PPP3CA: variants seen among roughly 807,000 people sequenced by gnomAD.
The protein encoded by PPP3CA is CAM-PRP catalytic subunit.
In PPP3CA, 14 loss-of-function variants were observed where a neutral mutation model predicts 66.5. The observed-to-expected ratio is 0.21, with a 90% CI of 0.14 to 0.33. The LOEUF (loss-of-function observed/expected upper bound fraction) is 0.33. PPP3CA is among the 10% of genes least tolerant of loss of function. The probability of loss-of-function intolerance (pLI) is 1.00; values close to 1 mark genes in which losing one functional copy is unlikely to be tolerated. For missense variants in PPP3CA, 317 were observed against 639.5 expected, an observed-to-expected ratio of 0.50 and a Z score of 5.44; for synonymous variants, 232 against 226.2, an observed-to-expected ratio of 1.03 and a Z score of -0.23.
intron 2 of PPP3CA, among the ~76,000 whole-genome samples, chr4:101,167,114 T>C (rs1723717816): frequency 6.6e-6 from 1 of 152,138 alleles, no homozygotes; most frequent in East Asian, 1.9e-4. Context: ...TAGAAGGAAG[T>C]GGTGAGACAA....
intron 1 of PPP3CA, among the ~76,000 whole-genome samples, chr4:101,272,345 A>G (rs1727361860): frequency 6.6e-6 from 1 of 152,360 alleles, no homozygotes; most frequent in South Asian, 2.1e-4. Context: ...AATTATAAGT[A>G]CGTGGCAGTC....
chr4:101,156,060 C>CACA (rs1723309595), intron 2 of PPP3CA, among the ~76,000 whole-genome samples: 1 of 152,148 alleles, frequency 6.6e-6, no homozygotes, highest in Non-Finnish European at 1.5e-5. Flanking sequence ...AGTGGGGTTT[C>CACA]ACACCCAGAC....
intron 2 of PPP3CA, among the ~76,000 whole-genome samples, chr4:101,124,701 GAAAGAAAGAA>G (rs1722150922): frequency 1.1e-5 from 1 of 94,368 alleles, no homozygotes; most frequent in African/African-American, 4.5e-5. Context: ...AAGAAAGAAA[GAAAGAAAGAA>G]AGAAAGAAAG....
At chr4:101,315,954 G>A (rs1728871781) in intron 1 of PPP3CA, among the ~76,000 whole-genome samples, 1 of 152,090 alleles carries the variant, frequency 6.6e-6, no homozygotes, top group Admixed American at 6.6e-5. Context: ...CTGGTTGCTT[G>A]CCTAGTATGA....
chr4:101,332,011 T>C (rs976565215), intron 1 of PPP3CA, among the ~76,000 whole-genome samples: 6 of 152,114 alleles, frequency 3.9e-5, no homozygotes, highest in African/African-American at 1.4e-4. Flanking sequence ...GAGAAAAAGG[T>C]TGAAAGCAGA....
At chr4:101,233,876 A>G (rs565125649) in intron 1 of PPP3CA, among the ~76,000 whole-genome samples, 73 of 151,680 alleles carry the variant, frequency 4.8e-4, no homozygotes, top group Non-Finnish European at 7.2e-4. Context: ...AGGAGGCGTC[A>G]TACCCAATAG....
Position 101,173,987 on chromosome 4 carries a change from GGCT to G in PPP3CA, c.259+21926_259+21928del, listed in dbSNP as rs1723969287. ...GGATCACTTGAGCCCAGGCATTCGA[GGCT>G]GCTGTGAGCTATGACTACACCACTG... is the stretch of plus-strand genomic sequence containing the variant. On this transcript the variant is annotated intron_variant, in intron 2 of 13. Coordinates refer to ENST00000394854, the MANE Select transcript of PPP3CA (RefSeq NM_000944.5). Among the ~76,000 whole-genome samples, 3 of 152,134 alleles carry G rather than the reference GGCT, an allele frequency of 2.0e-5. No individual in the cohort carries two copies. In the South Asian group the frequency reaches 6.2e-4, roughly 32 times the overall value.
At chr4:101,124,729 A>AGAGAGAGAGAG (rs1722170301) in intron 2 of PPP3CA, among the ~76,000 whole-genome samples, 1 of 54,304 alleles carries the variant, frequency 1.8e-5, no homozygotes, top group Non-Finnish European at 3.8e-5. Context: ...AAGAAAGAGA[A>AGAGAGAGAGAG]AGAAAGAAAG....
At chr4:101,153,526 CATTT>C (rs1364836240) in intron 2 of PPP3CA, among the ~76,000 whole-genome samples, 2 of 152,174 alleles carry the variant, frequency 1.3e-5, no homozygotes, top group Admixed American at 6.5e-5. Flanking sequence ...CATCACCTCA[CATTT>C]GTTTGTTTAG....
chr4:101,246,866 G>C (rs928874892), intron 1 of PPP3CA, among the ~76,000 whole-genome samples: 1 of 152,070 alleles, frequency 6.6e-6, no homozygotes, highest in Non-Finnish European at 1.5e-5. Flanking sequence ...AACTCATTCT[G>C]AGCCAATTGA....
chr4:101,332,824 G>C (rs1467657501), intron 1 of PPP3CA, among the ~76,000 whole-genome samples: 2 of 152,182 alleles, frequency 1.3e-5, no homozygotes, highest in Non-Finnish European at 2.9e-5. Flanking sequence ...GCATATGGAG[G>C]ACAGAGGATT....
At chr4:101,319,358 AC>A (rs1402109364) in intron 1 of PPP3CA, among the ~76,000 whole-genome samples, 12 of 152,250 alleles carry the variant, frequency 7.9e-5, no homozygotes, top group African/African-American at 2.6e-4. Flanking sequence ...TGGAAAGGCT[AC>A]AAATTAGTGG....
chr4:101,081,143 T>C (rs1729423029), intron 7 of PPP3CA, among the ~76,000 whole-genome samples: 1 of 152,154 alleles, frequency 6.6e-6, no homozygotes, highest in Non-Finnish European at 1.5e-5. Context: ...CTTAAATTTA[T>C]GAATTTTTAG....
chr4:101,291,254 G>A (rs1337157247), intron 1 of PPP3CA, among the ~76,000 whole-genome samples: 1 of 151,982 alleles, frequency 6.6e-6, no homozygotes, highest in Non-Finnish European at 1.5e-5. Context: ...TAATCTTTGG[G>A]GCCAATTCTT....
At chr4:101,177,459 G>A (rs1724098593) in intron 2 of PPP3CA, among the ~76,000 whole-genome samples, 1 of 152,056 alleles carries the variant, frequency 6.6e-6, no homozygotes, top group African/African-American at 2.4e-5. Flanking sequence ...ATCACTTTTA[G>A]ACAATAGTTT....
chr4:101,338,039 A>G (rs1484770699), intron 1 of PPP3CA, among the ~76,000 whole-genome samples: 1 of 152,158 alleles, frequency 6.6e-6, no homozygotes, highest in African/African-American at 2.4e-5. Flanking sequence ...TATTCATTTG[A>G]ATTTGCACAT....
At chr4:101,048,726 T>C (rs1047405101) in intron 10 of PPP3CA, among the ~76,000 whole-genome samples, 3 of 152,070 alleles carry the variant, frequency 2.0e-5, no homozygotes, top group Non-Finnish European at 4.4e-5. Context: ...TGGGACATAA[T>C]AGCCACTCAC....
chr4:101,102,123 C>A (rs564520254), intron 3 of PPP3CA, among the ~76,000 whole-genome samples: 1 of 152,204 alleles, frequency 6.6e-6, no homozygotes, highest in African/African-American at 2.4e-5. Context: ...TTAAATGATG[C>A]AACATACATG....
intron 1 of PPP3CA, among the ~76,000 whole-genome samples, chr4:101,300,204 A>C (rs1180429312): frequency 2.0e-5 from 3 of 152,146 alleles, no homozygotes; most frequent in African/African-American, 7.2e-5. Context: ...AACAGATACA[A>C]ATTAGTAAGG....
Sources: gnomAD v4.1 joint callset for allele counts (sites outside exome capture counted in the v4.1 genomes callset) on GRCh38, gnomAD v4.1.1 for gene constraint, MANE v1.5 for transcripts, NCBI Gene and HGNC (gene_info 2026-07-23, HGNC 2026-07-21) for gene names.